VWA7: variants seen among roughly 807,000 people sequenced by gnomAD.
The protein encoded by VWA7 is von Willebrand factor A domain-containing protein 7.
VWA7 carries 66 observed loss-of-function variants against 83.1 expected under a neutral mutation model. That is an observed-to-expected ratio of 0.79 (90% CI 0.65 to 0.98). VWA7 has a LOEUF of 0.98. Ranked by LOEUF, VWA7 falls within the 50% of genes least tolerant of loss-of-function variation. The probability of loss-of-function intolerance (pLI) is 0.00; values close to 1 mark genes in which losing one functional copy is unlikely to be tolerated. For synonymous variants in VWA7, 424 were observed against 488.5 expected (o/e 0.87, Z 1.74); for missense variants, 1,080 against 1,160.2 (o/e 0.93, Z 1.00).
Position 31,766,073 on chromosome 6 carries a change from A to G in VWA7, c.2325-16T>C. Reference sequence around the variant, plus strand: ...CAGGTGAGCCCTGGAGAGAGGATATAGGCGTCGCTAAAGCTCCAGGCTGCC... The same window carrying G: ...CAGGTGAGCCCTGGAGAGAGGATATGGGCGTCGCTAAAGCTCCAGGCTGCC... On this transcript the variant is annotated splice_polypyrimidine_tract_variant and intron_variant, in intron 15 of 16. Transcript: ENST00000375688. This position sits in a 1 kb window ranked among gnomAD's most constrained non-coding sequence, Gnocchi z 4.9. 6.2e-7 allele frequency: 1 copy of G among 1,612,542 alleles called. No individual in the cohort carries two copies. The highest frequency in any genetic ancestry group is 8.5e-7 in the Non-Finnish European group (1 of 1,179,766).
chr6:31,772,270 C>T (rs1277670028), intron 7 of VWA7, among the ~76,000 whole-genome samples: 1 of 151,990 alleles, frequency 6.6e-6, no homozygotes, highest in Non-Finnish European at 1.5e-5. Flanking sequence ...CTCAGCTTCC[C>T]AAGTAGCTGG....
chr6:31,770,611 G>A lies in VWA7; in HGVS notation c.1088-498C>T, dbSNP rs553890408. ...AAAGTCATACTTGTCAGTGCAGGGC[G>A]GGGCAGGGCGGGGCAGGGCAGGGCA... On this transcript the variant is annotated intron_variant, in intron 7 of 16. Transcript: ENST00000375688. Among the ~76,000 whole-genome samples, 5 of 150,484 alleles carry A rather than the reference G, an allele frequency of 3.3e-5. No individual in the cohort carries two copies. In the South Asian group the frequency reaches 6.4e-4, roughly 19 times the overall value.
rs745697812 is a variant in VWA7, at chr6:31,767,521, T to C, written c.1637-7A>G. The C allele has an allele frequency of 5.0e-6, 8 of 1,604,952 alleles. No homozygotes were observed. In the South Asian group the frequency reaches 7.7e-5, roughly 15 times the overall value. ...TCCTGGCCCTGGGAGACCCCTGGGGTCAGGGAAGAGATTGTCACATGAAGC... is the reference window on the plus strand; with the variant it reads ...TCCTGGCCCTGGGAGACCCCTGGGGCCAGGGAAGAGATTGTCACATGAAGC... On this transcript the variant is annotated splice_polypyrimidine_tract_variant and splice_region_variant and intron_variant, in intron 11 of 16. Transcript: ENST00000375688.
chr6:31,776,615 G>A lies in VWA7; in HGVS notation c.165C>T (p.Asn55=), dbSNP rs1428043838. The change falls in exon 2 of 17, where the codon AAC becomes AAT. Residue 55 remains asparagine (N), a synonymous_variant. Transcript: ENST00000375688. The surrounding 1 kb of genome is among the most constrained non-coding windows in gnomAD (Gnocchi z 6.2). The part of the protein sequence containing the change: ...HQDLTEEAAL[N]VTLQLFLEQP... ...GCTCCAGGAAGAGCTGCAGGGTGACGTTGAGCGCTGCCTCCTCAGTTAGGT... is the reference window on the plus strand; with the variant it reads ...GCTCCAGGAAGAGCTGCAGGGTGACATTGAGCGCTGCCTCCTCAGTTAGGT... 21 of 1,549,398 alleles carry A rather than the reference G, an allele frequency of 1.4e-5. No homozygotes were observed. The highest frequency in any genetic ancestry group is 3.9e-5 in the Admixed American group (2 of 50,752).
At position 31,775,815 on chromosome 6, in the gene VWA7, TG is replaced by T; in HGVS notation, c.513+148del. On this transcript the variant is annotated intron_variant, in intron 3 of 16. Coordinates refer to ENST00000375688, the MANE Select transcript of VWA7 (RefSeq NM_025258.3). The surrounding 1 kb of genome is among the most constrained non-coding windows in gnomAD (Gnocchi z 5.9). ...CACTGCCAGCTTGGAGGTGGGGAACTGGGACACAGCCTCGGGGCACCGCGTG... is the reference window on the plus strand; with the variant it reads ...CACTGCCAGCTTGGAGGTGGGGAACTGGACACAGCCTCGGGGCACCGCGTG... 1 of 1,339,346 alleles carries T rather than the reference TG, an allele frequency of 7.5e-7. No homozygotes were observed. Among genetic ancestry groups the T allele is most frequent in the Non-Finnish European group, 1.0e-6 (1 of 988,826 alleles). 83.0% of individuals were successfully genotyped at this position (1,339,346 alleles called of 1,614,324 possible). A position where few individuals can be genotyped will look rare whatever the true frequency, so the allele number is the denominator to read the frequency against.
rs1172772394 is a variant in VWA7, at chr6:31,773,718, G to A, written c.722-281C>T. ...AAAAATTAGCCAGGTGTGGTGGCGC[G>A]TGCTTGTAATCCCAGCTACTTAGGA... On this transcript the variant is annotated intron_variant, in intron 5 of 16. Coordinates refer to ENST00000375688, the MANE Select transcript of VWA7 (RefSeq NM_025258.3). This position sits in a 1 kb window ranked among gnomAD's most constrained non-coding sequence, Gnocchi z 5.3. 6.6e-6 allele frequency among the ~76,000 whole-genome samples: 1 copy of A among 152,056 alleles called. No individual in the cohort carries two copies. The highest frequency in any genetic ancestry group is 1.5e-5 in the Non-Finnish European group (1 of 68,010).
In VWA7 at chr6:31,766,219, G is replaced by A. The variant is rs1452098396; in HGVS notation, c.2324+26C>T. 4.4e-6 allele frequency: 7 copies of A among 1,609,062 alleles called. No individual in the cohort carries two copies. The highest frequency in any genetic ancestry group is 5.9e-6 in the Non-Finnish European group (7 of 1,178,270). Reference sequence around the variant, plus strand: ...GCATTGGCCGGGCAAGATGCCAGAGGGAGCTGGAGGGTTCATGAGCCTCAC... The same window carrying A: ...GCATTGGCCGGGCAAGATGCCAGAGAGAGCTGGAGGGTTCATGAGCCTCAC... On this transcript the variant is annotated intron_variant, in intron 15 of 16. Coordinates refer to ENST00000375688, the MANE Select transcript of VWA7 (RefSeq NM_025258.3). This position sits in a 1 kb window ranked among gnomAD's most constrained non-coding sequence, Gnocchi z 4.9.
In VWA7 at chr6:31,771,025, AAG is replaced by A. The variant is rs1554217116; in HGVS notation, c.1088-914_1088-913del. Among the ~76,000 whole-genome samples the A allele has an allele frequency of 3.4e-5, 5 of 148,630 alleles. 1 individual carries two copies. The highest frequency in any genetic ancestry group is 6.7e-5 in the Admixed American group (1 of 14,884). On this transcript the variant is annotated intron_variant, in intron 7 of 16. Coordinates refer to ENST00000375688, the MANE Select transcript of VWA7 (RefSeq NM_025258.3). ...TCTCTCTCTCTCAAAAAAAAAAAAA[AAG>A]AAAGAAAAGAAAAAAAAAAACTGGG... is the stretch of plus-strand genomic sequence containing the variant.
At position 31,766,724 on chromosome 6, in the gene VWA7, A is replaced by G; in HGVS notation, c.1923T>C (p.Gly641=). 6.2e-7 allele frequency: 1 copy of G among 1,610,632 alleles called. No homozygotes were observed. The highest frequency in any genetic ancestry group is 8.5e-7 in the Non-Finnish European group (1 of 1,178,192). The stretch of plus-strand genomic sequence containing the variant: ...GAGGATCCCCAGGATTGGCTCTGGA[A>G]CCCAACCCTGTCACTTCTACCAGCA... ...TQLLVEVTGL[G]SRANPGDPQP... The change falls in exon 14 of 17, where the codon GGT becomes GGC. Residue 641 remains glycine, a synonymous_variant. Coordinates refer to ENST00000375688, the MANE Select transcript of VWA7 (RefSeq NM_025258.3). The surrounding 1 kb of genome is among the most constrained non-coding windows in gnomAD (Gnocchi z 4.9).
rs368204071 is a variant in VWA7 at position 31,773,051 on chromosome 6, G to C, written c.990C>G (p.Ile330Met). The part of the protein sequence containing the change: ...LDTTGSMGEE[I>M]NAAKIQARHL... ...GGCGAGCCTGGATTTTGGCAGCGTTGATCTCCTCACCCATGCTGCCCGTGG... is the reference window on the plus strand; with the variant it reads ...GGCGAGCCTGGATTTTGGCAGCGTTCATCTCCTCACCCATGCTGCCCGTGG... Residue 330 changes from isoleucine to methionine, a missense_variant, in exon 7 of 17, where the codon ATC (isoleucine) becomes ATG (methionine). Coordinates refer to ENST00000375688, the MANE Select transcript of VWA7 (RefSeq NM_025258.3). The surrounding 1 kb of genome is among the most constrained non-coding windows in gnomAD (Gnocchi z 5.3). 1.0e-4 allele frequency: 165 copies of C among 1,612,480 alleles called. 1 individual carries two copies. In the South Asian group the frequency reaches 1.7e-3, roughly 17 times the overall value.
rs753728660 is a variant in VWA7, at chr6:31,765,929, G to A, written c.2453C>T (p.Pro818Leu). 9 of 1,613,106 alleles carry A rather than the reference G, an allele frequency of 5.6e-6. No individual in the cohort carries two copies. Among genetic ancestry groups the A allele is most frequent in the East Asian group, 2.2e-5 (1 of 44,886 alleles). Reference sequence around the variant, plus strand: ...CAGGAGCCGGAGGAAAGCATGAGTCGGGGGTACTGGGTTGGCTTCTCGTCC... The same window carrying A: ...CAGGAGCCGGAGGAAAGCATGAGTCAGGGGTACTGGGTTGGCTTCTCGTCC... Reference protein sequence around the residue: ...AGGREANPVPPTHAFLRLLVS... With the variant: ...AGGREANPVPLTHAFLRLLVS... Residue 818 changes from proline (P) to leucine (L), a missense_variant, in exon 16 of 17, where the codon CCG (proline) becomes CTG (leucine). Coordinates refer to ENST00000375688, the MANE Select transcript of VWA7 (RefSeq NM_025258.3).
At position 31,776,268 on chromosome 6, in the gene VWA7, C is replaced by T. The variant is rs777647868; in HGVS notation, c.235-26G>A. On this transcript the variant is annotated intron_variant, in intron 2 of 16. Transcript: ENST00000375688. The surrounding 1 kb of genome is among the most constrained non-coding windows in gnomAD (Gnocchi z 6.2). ...CTGGGGAGAATAGCGGGCGACGGGGCTCCAGGGAGGCCCTTTGGATTGACT... is the reference window on the plus strand; with the variant it reads ...CTGGGGAGAATAGCGGGCGACGGGGTTCCAGGGAGGCCCTTTGGATTGACT... The T allele has an allele frequency of 6.3e-7, 1 of 1,599,604 alleles. No individual in the cohort carries two copies. The highest frequency in any genetic ancestry group is 8.5e-7 in the Non-Finnish European group (1 of 1,171,828).
rs781589526 is a variant in VWA7 at position 31,773,000 on chromosome 6, G to A, written c.1041C>T (p.Ser347=). 6.5e-7 allele frequency: 1 copy of A among 1,543,686 alleles called. No homozygotes were observed. The highest frequency in any genetic ancestry group is 8.9e-7 in the Non-Finnish European group (1 of 1,118,142). The part of the protein sequence containing the change: ...ARHLVEQRRG[S]PMEPVHYVLV... ...GGACATAGTGGACAGGCTCCATGGG[G>A]CTGCCTCTCCGCTGCTCCACAAGGT... The change falls in exon 7 of 17, where the codon AGC becomes AGT. Residue 347 remains serine, a synonymous_variant. Transcript: ENST00000375688.
In VWA7 at chr6:31,777,065, T is replaced by C; in HGVS notation, c.-16+44A>G. The C allele has an allele frequency of 2.5e-6, 1 of 401,414 alleles. No homozygotes were observed. Among genetic ancestry groups the C allele is most frequent in the Non-Finnish European group, 4.4e-6 (1 of 226,800 alleles). The allele number at this position is 401,414 out of a possible 1,614,324, so 24.9% of individuals were successfully genotyped here. ...GTCCCCAGCCCTGCCGCAGAAACAC[T>C]CCCCATGCTCAGGAAGCCTGAGTCC... On this transcript the variant is annotated intron_variant, in intron 1 of 16. Transcript: ENST00000375688. The surrounding 1 kb of genome is among the most constrained non-coding windows in gnomAD (Gnocchi z 5.8).
Position 31,777,322 on chromosome 6 carries a change from G to C in VWA7, c.-229C>G. The C allele has an allele frequency of 1.8e-6, 1 of 562,558 alleles. No individual in the cohort carries two copies. The highest frequency in any genetic ancestry group is 3.2e-6 in the Non-Finnish European group (1 of 315,984). The allele number at this position is 562,558 out of a possible 1,614,324, so 34.8% of individuals were successfully genotyped here. A position where few individuals can be genotyped will look rare whatever the true frequency, so the allele number is the denominator to read the frequency against. ...GGGCCTCCCTTGGCTGCAGTGCGGAGGTGAGTGAGAGCTGGGGAGGAGGAA... is the reference window on the plus strand; with the variant it reads ...GGGCCTCCCTTGGCTGCAGTGCGGACGTGAGTGAGAGCTGGGGAGGAGGAA... On this transcript the variant is annotated 5_prime_UTR_variant, in exon 1 of 17. Coordinates refer to ENST00000375688, the MANE Select transcript of VWA7 (RefSeq NM_025258.3). The surrounding 1 kb of genome is among the most constrained non-coding windows in gnomAD (Gnocchi z 5.8).
Position 31,774,626 on chromosome 6 carries a change from A to G in VWA7, c.611T>C (p.Val204Ala). 1 of 1,611,420 alleles carries G rather than the reference A, an allele frequency of 6.2e-7. No individual in the cohort carries two copies. The highest frequency in any genetic ancestry group is 8.5e-7 in the Non-Finnish European group (1 of 1,179,272). Residue 204 changes from valine to alanine, a missense_variant and splice_region_variant, in exon 5 of 17, where the codon GTG becomes GCG. Coordinates refer to ENST00000375688, the MANE Select transcript of VWA7 (RefSeq NM_025258.3). ...GCAATCGGAGCAGGTAGGATCGGCC[A>G]CTGGGAAGAGAGGGCAGGGCTAGAA... ...PRQELQNLAQVADPTCSDCEE... is the reference protein window; with the variant it reads ...PRQELQNLAQAADPTCSDCEE...
chr6:31,773,107 G>T lies in VWA7; in HGVS notation c.934C>A (p.Pro312Thr). 4 of 1,611,544 alleles carry T rather than the reference G, an allele frequency of 2.5e-6. No individual in the cohort carries two copies. Among genetic ancestry groups the T allele is most frequent in the Non-Finnish European group, 3.4e-6 (4 of 1,179,446 alleles). Reference protein sequence around the residue: ...RDFSRLLDITPASSLSFVLDT... With the variant: ...RDFSRLLDITTASSLSFVLDT... Reference sequence around the variant, plus strand: ...AGGACAAAGCTCAGGCTGGAGGCTGGGGTGATGTCCAGCAGCCTGGGGAGC... The same window carrying T: ...AGGACAAAGCTCAGGCTGGAGGCTGTGGTGATGTCCAGCAGCCTGGGGAGC... The change falls in exon 7 of 17, where the codon CCA becomes ACA. Residue 312 changes from proline to threonine, a missense_variant. Pro to Thr is a conservative substitution (Grantham distance 38). Transcript: ENST00000375688. The surrounding 1 kb of genome is among the most constrained non-coding windows in gnomAD (Gnocchi z 5.3).
At chr6:31,768,159 A>AAG (rs1811815546) in intron 10 of VWA7, among the ~76,000 whole-genome samples, 1 of 147,678 alleles carries the variant, frequency 6.8e-6, no homozygotes, top group African/African-American at 2.5e-5. Flanking sequence ...AAAAAAAAAA[A>AAG]AAAGAAAGAA....
Position 31,766,624 on chromosome 6 carries a change from C to CG in VWA7, c.2022dup (p.Val675ArgfsTer22). Reference sequence around the variant, plus strand: ...AGGAGACCTCGCTCCGGAGGTCCCACGGGCTCCAAGGGCACCTGGCCTAGT... The same window carrying CG: ...AGGAGACCTCGCTCCGGAGGTCCCACGGGGCTCCAAGGGCACCTGGCCTAGT... On this transcript the variant is annotated frameshift_variant, in exon 14 of 17. Coordinates refer to ENST00000375688, the MANE Select transcript of VWA7 (RefSeq NM_025258.3). LOFTEE classifies it high-confidence loss of function. The surrounding 1 kb of genome is among the most constrained non-coding windows in gnomAD (Gnocchi z 4.9). The CG allele has an allele frequency of 6.2e-7, 1 of 1,613,038 alleles. No individual in the cohort carries two copies. The highest frequency in any genetic ancestry group is 1.1e-5 in the South Asian group (1 of 91,088).
Sources: allele counts gnomAD v4.1 joint callset (sites outside exome capture counted in the v4.1 genomes callset), GRCh38; gene constraint gnomAD v4.1.1; non-coding constraint Gnocchi (gnomAD v3.1); transcripts MANE v1.5; gene names NCBI Gene and HGNC (gene_info 2026-07-23, HGNC 2026-07-21).